The following VCL variants were observed in gnomAD, a reference collection of about 807,000 sequenced individuals.
VCL encodes vinculin.
Under a neutral mutation model 125.7 loss-of-function variants are expected in VCL, and 47 were observed. The observed-to-expected ratio is 0.37, with a 90% CI of 0.30 to 0.48. The LOEUF is 0.48. VCL is among the 20% of genes least tolerant of loss of function. VCL has a pLI of 0.99. For synonymous variants in VCL, 458 were observed against 514.6 expected (o/e 0.89, Z 1.49); for missense variants, 1,069 against 1,455.5 (o/e 0.73, Z 4.32).
chr10:74,039,069 G>A (rs575245555), intron 1 of VCL, among the ~76,000 whole-genome samples: 18 of 152,102 alleles, frequency 1.2e-4, no homozygotes, highest in African/African-American at 4.1e-4. Flanking sequence ...CCGCCACCAC[G>A]CCCAGCTAAT....
intron 2 of VCL, among the ~76,000 whole-genome samples, chr10:74,051,489 G>A (rs192588320): frequency 8.7e-4 from 133 of 152,296 alleles, no homozygotes; most frequent in African/African-American, 3.1e-3. Context: ...TACCTTGTAT[G>A]AGCTGGGTAT....
chr10:74,081,015 ATCT>A (rs1783796768), intron 6 of VCL, among the ~76,000 whole-genome samples: 3 of 152,206 alleles, frequency 2.0e-5, no homozygotes, highest in South Asian at 2.1e-4. Context: ...AATACCACAT[ATCT>A]TCTTCTAATT....
chr10:74,019,295 G>T (rs561650480), intron 1 of VCL, among the ~76,000 whole-genome samples: 1 of 152,234 alleles, frequency 6.6e-6, no homozygotes, highest in Non-Finnish European at 1.5e-5. Flanking sequence ...ATGCAGGTTT[G>T]TTACATAGGT....
chr10:74,025,696 G>GGA (rs1840758530), intron 1 of VCL, among the ~76,000 whole-genome samples: 4 of 116,072 alleles, frequency 3.4e-5, no homozygotes, highest in Admixed American at 1.9e-4. Context: ...GGGAGGGAGG[G>GGA]AGGAAGGAAG....
intron 8 of VCL, among the ~76,000 whole-genome samples, chr10:74,086,136 G>A (rs945545862): frequency 6.6e-6 from 1 of 152,198 alleles, no homozygotes; most frequent in African/African-American, 2.4e-5. Context: ...CAAAGTGCTG[G>A]GATTACGGGT....
In VCL at chr10:74,105,083, C is replaced by T. The variant is rs2131928315; in HGVS notation, c.2164C>T (p.Leu722=). The change falls in exon 16 of 22, where the codon CTG becomes TTG. Residue 722 remains leucine (L), a synonymous_variant. Transcript: ENST00000211998. The part of the protein sequence containing the change: ...LVDEAIDTKS[L]LDASEEAIKK... Reference sequence around the variant, plus strand: ...GGACGAAGCCATTGATACCAAATCTCTGTTGGATGCTTCAGAAGAAGCAAT... The same window carrying T: ...GGACGAAGCCATTGATACCAAATCTTTGTTGGATGCTTCAGAAGAAGCAAT... The T allele has an allele frequency of 1.2e-6, 2 of 1,614,172 alleles. No individual in the cohort carries two copies. The highest frequency in any genetic ancestry group is 1.1e-5 in the South Asian group (1 of 91,082).
At chr10:74,098,442 G>T (rs1840004184) in intron 13 of VCL, among the ~76,000 whole-genome samples, 1 of 152,128 alleles carries the variant, frequency 6.6e-6, no homozygotes, top group African/African-American at 2.4e-5. Flanking sequence ...TCCATGCAGG[G>T]AGGGACTTTA....
chr10:74,103,144 G>T (rs1289749457), intron 14 of VCL, among the ~76,000 whole-genome samples: 2 of 152,090 alleles, frequency 1.3e-5, no homozygotes, highest in Non-Finnish European at 2.9e-5. Context: ...CTGGGATTAT[G>T]GGTATGAGCC....
chr10:74,040,261 C>CT (rs1392110413), intron 1 of VCL, among the ~76,000 whole-genome samples: 1 of 152,060 alleles, frequency 6.6e-6, no homozygotes, highest in Non-Finnish European at 1.5e-5. Flanking sequence ...AGGCAGGAAA[C>CT]TTTTTTTTAT....
intron 2 of VCL, among the ~76,000 whole-genome samples, chr10:74,049,398 A>G (rs988468982): frequency 7.9e-5 from 12 of 152,240 alleles, no homozygotes; most frequent in Non-Finnish European, 4.4e-5. Flanking sequence ...ACTACTGCAG[A>G]GAAATTTTGT....
intron 1 of VCL, among the ~76,000 whole-genome samples, chr10:74,009,369 C>G (rs1008818030): frequency 6.6e-6 from 1 of 152,084 alleles, no homozygotes; most frequent in African/African-American, 2.4e-5. Context: ...CGCCATTCTC[C>G]CACCTCAGCC....
At chr10:74,060,655 C>CAAAAAA (rs11398822) in intron 2 of VCL, among the ~76,000 whole-genome samples, 7 of 109,146 alleles carry the variant, frequency 6.4e-5, no homozygotes, top group East Asian at 3.3e-4. Context: ...GACTCTGTCT[C>CAAAAAA]AAAAAAAAAA....
At chr10:74,117,908 G>T in intron 21 of VCL, 115 bp from the exon 22 acceptor site, 1 of 1,444,678 alleles carries the variant, frequency 6.9e-7, no homozygotes, top group Non-Finnish European at 9.7e-7. Flanking sequence ...AAGCAAATAT[G>T]GGGGATGCCA....
At chr10:74,074,958 G>A in intron 6 of VCL, 55 bp downstream of exon 6, 2 of 1,604,502 alleles carry the variant, frequency 1.2e-6, no homozygotes, top group Non-Finnish European at 1.7e-6. Context: ...CTGGCTGGGG[G>A]TTTTGATTGG....
chr10:73,999,635 T>A (rs1303835111), intron 1 of VCL, among the ~76,000 whole-genome samples: 1 of 152,168 alleles, frequency 6.6e-6, no homozygotes, highest in African/African-American at 2.4e-5. Context: ...TTTGAGCACT[T>A]TAGTGCACTT....
chr10:74,078,404 A>G lies in VCL; in HGVS notation c.783+3501A>G, dbSNP rs550831722. The stretch of plus-strand genomic sequence containing the variant: ...CTTACTTGCAGACCACTGGGATTTA[A>G]GAGTTGATTTGTTAAATTAAAAAAA... On this transcript the variant is annotated intron_variant, in intron 6 of 21. Coordinates refer to ENST00000211998, the MANE Select transcript of VCL (RefSeq NM_014000.3). Among the ~76,000 whole-genome samples the G allele has an allele frequency of 1.7e-3, 264 of 151,440 alleles. 1 individual carries two copies. The highest frequency in any genetic ancestry group is 3.4e-3 in the Non-Finnish European group (233 of 68,006).
chr10:74,116,475 A>G (rs1240063106), intron 21 of VCL, among the ~76,000 whole-genome samples: 1 of 152,146 alleles, frequency 6.6e-6, no homozygotes, highest in African/African-American at 2.4e-5. Context: ...ATTAACCACT[A>G]AAAATATGCC....
intron 13 of VCL, among the ~76,000 whole-genome samples, chr10:74,099,260 C>T (rs1159924611): frequency 6.6e-6 from 1 of 152,044 alleles, no homozygotes; most frequent in Non-Finnish European, 1.5e-5. Context: ...TTCCTACAAA[C>T]CCCTCCCTCT....
At chr10:74,059,355 C>T (rs1475545344) in intron 2 of VCL, among the ~76,000 whole-genome samples, 5 of 147,514 alleles carry the variant, frequency 3.4e-5, no homozygotes, top group Admixed American at 1.4e-4. Context: ...GACTCCACTT[C>T]GAAAGAAAAA....
Sources: gnomAD v4.1 joint callset for allele counts (sites outside exome capture counted in the v4.1 genomes callset) on GRCh38, gnomAD v4.1.1 for gene constraint, MANE v1.5 for transcripts, NCBI Gene and HGNC (gene_info 2026-07-23, HGNC 2026-07-21) for gene names.